Variants in CDYL2 observed in about 807,000 individuals in gnomAD.
CDYL2 encodes chromodomain Y-like protein 2.
CDYL2 carries 23 observed loss-of-function variants against 49.4 expected under a neutral mutation model. The ratio of observed to expected loss-of-function variants is 0.47; its 90% CI spans 0.34 to 0.66. The LOEUF (loss-of-function observed/expected upper bound fraction) is 0.66, where lower values mean the gene tolerates loss of function less well. Ranked by LOEUF, CDYL2 falls within the 30% of genes least tolerant of loss-of-function variation. The pLI, the probability that CDYL2 is intolerant of heterozygous loss-of-function variation, is 0.01. For missense variants in CDYL2, 678 were observed against 656.4 expected (o/e 1.03, Z -0.36); for synonymous variants, 360 against 268.8 (o/e 1.34, Z -3.32).
intron 1 of CDYL2, among the ~76,000 whole-genome samples, chr16:80,698,069 A>G (rs558132972): frequency 2.0e-5 from 3 of 152,238 alleles, no homozygotes; most frequent in Non-Finnish European, 4.4e-5. Flanking sequence ...TGGAAGCACA[A>G]AAGATCCCAA....
chr16:80,712,189 GTGTATATATATATATA>G (rs1257230434), intron 1 of CDYL2, among the ~76,000 whole-genome samples: 3 of 75,842 alleles, frequency 4.0e-5, no homozygotes, highest in African/African-American at 1.0e-4. Flanking sequence ...GTGTCTGTGT[GTGTATATATATATATA>G]TATATATATA....
intron 2 of CDYL2, among the ~76,000 whole-genome samples, chr16:80,680,064 C>T (rs1909910069): frequency 6.6e-6 from 1 of 152,012 alleles, no homozygotes; most frequent in Non-Finnish European, 1.5e-5. Context: ...CCATTATAAT[C>T]AATAAAGGGA....
chr16:80,782,078 G>GA (rs1907287377), intron 1 of CDYL2, among the ~76,000 whole-genome samples: 1 of 151,266 alleles, frequency 6.6e-6, no homozygotes, highest in Non-Finnish European at 1.5e-5. Context: ...AAACAATAGA[G>GA]AAAATCAAAG....
At chr16:80,713,322 G>C (rs1904684025) in intron 1 of CDYL2, among the ~76,000 whole-genome samples, 1 of 152,212 alleles carries the variant, frequency 6.6e-6, no homozygotes, top group Non-Finnish European at 1.5e-5. Flanking sequence ...GGAGAAGTCT[G>C]CAATCATTCA....
intron 1 of CDYL2, among the ~76,000 whole-genome samples, chr16:80,794,155 G>C (rs1288855902): frequency 2.0e-5 from 3 of 152,168 alleles, no homozygotes; most frequent in Non-Finnish European, 4.4e-5. Context: ...CAGAGCAGAA[G>C]GAGCCAGTCT....
At chr16:80,708,007 G>T (rs1041521559) in intron 1 of CDYL2, among the ~76,000 whole-genome samples, 8 of 152,160 alleles carry the variant, frequency 5.3e-5, no homozygotes, top group South Asian at 2.1e-4. Flanking sequence ...TACAAGAAAG[G>T]CTCAGAGGAT....
intron 1 of CDYL2, among the ~76,000 whole-genome samples, chr16:80,778,535 C>G (rs1907164237): frequency 6.6e-6 from 1 of 151,980 alleles, no homozygotes; most frequent in Non-Finnish European, 1.5e-5. Flanking sequence ...AACTTAGGAT[C>G]TGTATCAAGA....
chr16:80,725,871 A>T (rs13334641), intron 1 of CDYL2, among the ~76,000 whole-genome samples: 52,497 of 151,750 alleles, frequency 0.35, 9,250 homozygotes, highest in East Asian at 0.46. Flanking sequence ...TTGTTACAAA[A>T]ATTATTGGTG....
chr16:80,796,429 A>G (rs566719383), intron 1 of CDYL2, among the ~76,000 whole-genome samples: 3 of 152,336 alleles, frequency 2.0e-5, no homozygotes, highest in Admixed American at 2.0e-4. Context: ...ACTTATCAAT[A>G]GCACCATCAT....
chr16:80,736,945 TG>T (rs1365143872), intron 1 of CDYL2, among the ~76,000 whole-genome samples: 5 of 152,174 alleles, frequency 3.3e-5, no homozygotes, highest in South Asian at 2.1e-4. Flanking sequence ...GTTGGAGCCC[TG>T]GAAATTTATA....
chr16:80,738,920 A>T (rs1368817847), intron 1 of CDYL2, among the ~76,000 whole-genome samples: 1 of 152,252 alleles, frequency 6.6e-6, no homozygotes, highest in Non-Finnish European at 1.5e-5. Context: ...TTGTAAAAAA[A>T]GCGCTACATG....
At chr16:80,777,109 A>C (rs1304282411) in intron 1 of CDYL2, among the ~76,000 whole-genome samples, 1 of 152,118 alleles carries the variant, frequency 6.6e-6, no homozygotes, top group Admixed American at 6.6e-5. Context: ...GGCGTGAGTC[A>C]CCGTGCCCGG....
At chr16:80,768,082 C>G (rs1179620531) in intron 1 of CDYL2, among the ~76,000 whole-genome samples, 1 of 152,184 alleles carries the variant, frequency 6.6e-6, no homozygotes, top group Non-Finnish European at 1.5e-5. Context: ...AAGGCAAAGC[C>G]CATTCCCCCA....
At chr16:80,616,124 A>G (rs1477469553) in intron 4 of CDYL2, among the ~76,000 whole-genome samples, 2 of 152,206 alleles carry the variant, frequency 1.3e-5, no homozygotes, top group Non-Finnish European at 2.9e-5. Context: ...AGAAGGAGCA[A>G]CAACTTCAGA....
intron 1 of CDYL2, among the ~76,000 whole-genome samples, chr16:80,706,291 C>G (rs558055984): frequency 1.3e-5 from 2 of 152,322 alleles, no homozygotes; most frequent in Non-Finnish European, 2.9e-5. Context: ...AGTTGCCCTC[C>G]ACCCTCACAC....
intron 1 of CDYL2, among the ~76,000 whole-genome samples, chr16:80,769,692 T>A (rs951594476): frequency 6.6e-6 from 1 of 152,186 alleles, no homozygotes; most frequent in African/African-American, 2.4e-5. Context: ...ATGGGTAGAA[T>A]CTCAGTTCAA....
intron 2 of CDYL2, among the ~76,000 whole-genome samples, chr16:80,646,773 G>C (rs527937914): frequency 1.0e-3 from 157 of 152,034 alleles, no homozygotes; most frequent in African/African-American, 3.7e-3. Flanking sequence ...TGGAGACAGA[G>C]TGAGACTCTG....
chr16:80,773,444 T>A (rs1906974301), intron 1 of CDYL2, among the ~76,000 whole-genome samples: 1 of 152,080 alleles, frequency 6.6e-6, no homozygotes, highest in African/African-American at 2.4e-5. Context: ...CGCAGCAAGG[T>A]TAAATATCTG....
At chr16:80,760,814 GTTGAACAGTTATCCAGGGCCGTATTC>G in intron 1 of CDYL2, among the ~76,000 whole-genome samples, 1 of 151,510 alleles carries the variant, frequency 6.6e-6, no homozygotes, top group Non-Finnish European at 1.5e-5. Context: ...AACATTCAGA[GTTGAACAGTTATCCAGGGCCGTATTC>G]TTGAAATCAT....
Sources: allele counts gnomAD v4.1 joint callset (sites outside exome capture counted in the v4.1 genomes callset), GRCh38; gene constraint gnomAD v4.1.1; transcripts MANE v1.5; gene names NCBI Gene and HGNC (gene_info 2026-07-23, HGNC 2026-07-21).